Variants in TRPC6 observed in about 807,000 individuals in gnomAD.
TRPC6 encodes the protein transient receptor potential cation channel subfamily C member 6, also known as short transient receptor potential channel 6.
TRPC6 carries 55 observed loss-of-function variants against 90.7 expected under a neutral mutation model. The ratio of observed to expected loss-of-function variants is 0.61; its 90% CI spans 0.49 to 0.76. The LOEUF is 0.76. TRPC6 is among the 30% of genes least tolerant of loss of function. TRPC6 has a pLI of 0.00. For missense variants in TRPC6, 989 were observed against 1,122.7 expected (o/e 0.88, Z 1.70); for synonymous variants, 393 against 393.0 (o/e 1.00, Z 0.00).
intron 3 of TRPC6, among the ~76,000 whole-genome samples, chr11:101,489,934 A>AT (rs1859766448): frequency 6.6e-6 from 1 of 152,216 alleles, no homozygotes; most frequent in Non-Finnish European, 1.5e-5. Context: ...GTAAAGTTGG[A>AT]TAAAACCCAT....
intron 1 of TRPC6, among the ~76,000 whole-genome samples, chr11:101,534,506 A>G (rs1297240385): frequency 6.6e-6 from 1 of 152,192 alleles, no homozygotes; most frequent in Admixed American, 6.5e-5. Flanking sequence ...TATAACAGTA[A>G]GGATTTGGTG....
At chr11:101,531,950 TG>T (rs1463582863) in intron 1 of TRPC6, among the ~76,000 whole-genome samples, 7 of 152,124 alleles carry the variant, frequency 4.6e-5, no homozygotes. Flanking sequence ...TAAGGAGACT[TG>T]GGAAGGTGTC....
chr11:101,562,305 G>A (rs1861731639), intron 1 of TRPC6, among the ~76,000 whole-genome samples: 1 of 152,106 alleles, frequency 6.6e-6, no homozygotes, highest in Non-Finnish European at 1.5e-5. Flanking sequence ...GGACTTGCAA[G>A]GATTTAAATG....
At chr11:101,582,708 G>T (rs1476443550) in intron 1 of TRPC6, among the ~76,000 whole-genome samples, 1 of 152,078 alleles carries the variant, frequency 6.6e-6, no homozygotes, top group Non-Finnish European at 1.5e-5. Flanking sequence ...CGGGTGAAAA[G>T]GTTCGCGCCG....
chr11:101,568,024 G>A (rs11224863), intron 1 of TRPC6, among the ~76,000 whole-genome samples: 6,827 of 152,212 alleles, frequency 0.045, 224 homozygotes, highest in Non-Finnish European at 0.067. Context: ...TGAGTTTGAC[G>A]AACTGACAGA....
intron 1 of TRPC6, among the ~76,000 whole-genome samples, chr11:101,515,898 T>A (rs1860507193): frequency 6.6e-6 from 1 of 152,118 alleles, no homozygotes. Flanking sequence ...GCTAGGAGGA[T>A]GGAAATTGAT....
Position 101,453,187 on chromosome 11 carries a change from A to T in TRPC6, c.2645-81T>A. 13 of 1,327,342 alleles carry T rather than the reference A, an allele frequency of 9.8e-6. No homozygotes were observed. In the South Asian group the frequency reaches 1.4e-4, roughly 15 times the overall value. The allele number at this position is 1,327,342 out of a possible 1,614,324, so 82.2% of individuals were successfully genotyped here. A position where few individuals can be genotyped will look rare whatever the true frequency, so the allele number is the denominator to read the frequency against. ...AGTGACTGTGGGACAGGAGGAAATCAGCTCTAATTTCACACACAATTTTAT... is the reference window on the plus strand; with the variant it reads ...AGTGACTGTGGGACAGGAGGAAATCTGCTCTAATTTCACACACAATTTTAT... On this transcript the variant is annotated intron_variant, in intron 12 of 12. Transcript: ENST00000344327.
At chr11:101,513,227 T>C (rs2136761554) in intron 1 of TRPC6, among the ~76,000 whole-genome samples, 1 of 152,326 alleles carries the variant, frequency 6.6e-6, no homozygotes, top group South Asian at 2.1e-4. Flanking sequence ...GTGCCTCTGA[T>C]GGGCTGAACT....
intron 1 of TRPC6, among the ~76,000 whole-genome samples, chr11:101,567,027 T>C (rs1301829484): frequency 1.4e-5 from 2 of 142,976 alleles, no homozygotes; most frequent in Admixed American, 1.4e-4. Flanking sequence ...GACAGAACCA[T>C]TCACTCCCCT....
intron 1 of TRPC6, among the ~76,000 whole-genome samples, chr11:101,565,830 T>C (rs10791503): frequency 0.62 from 94,025 of 151,918 alleles, 29,304 homozygotes; most frequent in Non-Finnish European, 0.66. Flanking sequence ...ACACAGTAAC[T>C]GTTTCATAGG....
At chr11:101,536,755 G>A (rs1591119147) in intron 1 of TRPC6, among the ~76,000 whole-genome samples, 2 of 152,166 alleles carry the variant, frequency 1.3e-5, no homozygotes, top group African/African-American at 4.8e-5. Context: ...TCAGGCCGCT[G>A]TACCATTCTT....
intron 1 of TRPC6, among the ~76,000 whole-genome samples, chr11:101,582,271 G>A (rs1862214117): frequency 6.6e-6 from 1 of 152,154 alleles, no homozygotes; most frequent in South Asian, 2.1e-4. Flanking sequence ...AGGGCTTGAG[G>A]CTGGGCAGCC....
intron 1 of TRPC6, among the ~76,000 whole-genome samples, chr11:101,516,506 C>G (rs140822428): frequency 2.1e-4 from 32 of 152,282 alleles, no homozygotes; most frequent in African/African-American, 7.0e-4. Flanking sequence ...GTTAAGCACT[C>G]TCTTATTTTT....
intron 4 of TRPC6, among the ~76,000 whole-genome samples, chr11:101,486,522 CTAAAA>C (rs1486213986): frequency 2.6e-5 from 4 of 152,064 alleles, no homozygotes; most frequent in Admixed American, 2.6e-4. Flanking sequence ...CTAGCTTAAA[CTAAAA>C]TGATTTGTAA....
At chr11:101,461,231 A>G (rs1858997549) in intron 10 of TRPC6, among the ~76,000 whole-genome samples, 1 of 152,198 alleles carries the variant, frequency 6.6e-6, no homozygotes, top group Non-Finnish European at 1.5e-5. Flanking sequence ...AATTTACTTC[A>G]CACAAACAAA....
intron 1 of TRPC6, among the ~76,000 whole-genome samples, chr11:101,542,761 TAA>T (rs1221974249): frequency 2.0e-5 from 3 of 152,012 alleles, no homozygotes; most frequent in African/African-American, 7.2e-5. Context: ...GATATATATA[TAA>T]TTTTTAAATG....
At chr11:101,577,765 T>C (rs916745520) in intron 1 of TRPC6, among the ~76,000 whole-genome samples, 1 of 152,166 alleles carries the variant, frequency 6.6e-6, no homozygotes, top group African/African-American at 2.4e-5. Context: ...TCCCTTTTTA[T>C]TAATTCTCTT....
At chr11:101,562,979 A>G (rs1861747080) in intron 1 of TRPC6, among the ~76,000 whole-genome samples, 1 of 152,226 alleles carries the variant, frequency 6.6e-6, no homozygotes, top group South Asian at 2.1e-4. Flanking sequence ...GTTCTTCATT[A>G]GCGTTTCTTC....
At chr11:101,540,623 G>T (rs1457449255) in intron 1 of TRPC6, among the ~76,000 whole-genome samples, 1 of 152,130 alleles carries the variant, frequency 6.6e-6, no homozygotes, top group Non-Finnish European at 1.5e-5. Flanking sequence ...TCAATGTGAA[G>T]ATGTTAGAAA....
Sources: allele counts gnomAD v4.1 joint callset (sites outside exome capture counted in the v4.1 genomes callset), GRCh38; gene constraint gnomAD v4.1.1; transcripts MANE v1.5; gene names NCBI Gene and HGNC (gene_info 2026-07-23, HGNC 2026-07-21).